Variants in SSBP2 observed in about 807,000 individuals in gnomAD.
SSBP2 encodes the protein single-stranded DNA-binding protein 2.
SSBP2 carries 17 observed loss-of-function variants against 61.8 expected under a neutral mutation model. That is an observed-to-expected ratio of 0.28 (90% CI 0.19 to 0.41). The LOEUF (loss-of-function observed/expected upper bound fraction) is 0.41. Ranked by LOEUF, SSBP2 falls within the 10% of genes least tolerant of loss-of-function variation. The pLI is 1.00. For synonymous variants in SSBP2, 139 were observed against 141.3 expected (o/e 0.98, Z 0.12); for missense variants, 310 against 458.7 (o/e 0.68, Z 2.96).
chr5:81,598,889 T>C (rs1263509800), intron 4 of SSBP2, among the ~76,000 whole-genome samples: 1 of 152,166 alleles, frequency 6.6e-6, no homozygotes, highest in Non-Finnish European at 1.5e-5. Context: ...CAAACCCAGA[T>C]ATGCTTCCCT....
Position 81,434,951 on chromosome 5 carries a change from A to G in SSBP2, c.957+2479T>C, listed in dbSNP as rs1056170443. 6.6e-5 allele frequency among the ~76,000 whole-genome samples: 10 copies of G among 152,280 alleles called. No homozygotes were observed. In the South Asian group the frequency reaches 1.9e-3, roughly 28 times the overall value. On this transcript the variant is annotated intron_variant, in intron 15 of 16. Coordinates refer to ENST00000320672, the MANE Select transcript of SSBP2 (RefSeq NM_012446.5). Reference sequence around the variant, plus strand: ...GGGCAGGGGGTATACAATGTGCACGATGCTACTGATGCTCTTAAGAGAAAA... The same window carrying G: ...GGGCAGGGGGTATACAATGTGCACGGTGCTACTGATGCTCTTAAGAGAAAA...
chr5:81,591,865 T>C (rs550336625), intron 4 of SSBP2, among the ~76,000 whole-genome samples: 16 of 147,008 alleles, frequency 1.1e-4, no homozygotes, highest in African/African-American at 3.9e-4. Context: ...GGAGCCAAGA[T>C]GGCCGAATAG....
chr5:81,674,986 A>T (rs934832965), intron 1 of SSBP2, among the ~76,000 whole-genome samples: 2 of 152,222 alleles, frequency 1.3e-5, no homozygotes, highest in Non-Finnish European at 2.9e-5. Flanking sequence ...TGTTGTGCGC[A>T]GAATCTATTC....
intron 5 of SSBP2, among the ~76,000 whole-genome samples, chr5:81,508,685 T>A (rs1357059441): frequency 6.6e-6 from 1 of 152,208 alleles, no homozygotes; most frequent in African/African-American, 2.4e-5. Context: ...GTTCAGTTTG[T>A]GATCATTCCA....
intron 1 of SSBP2, among the ~76,000 whole-genome samples, chr5:81,666,020 C>T (rs968162051): frequency 2.0e-5 from 3 of 152,176 alleles, no homozygotes; most frequent in Non-Finnish European, 2.9e-5. Flanking sequence ...GAAACAGGAT[C>T]AGCCTGATCA....
At position 81,534,061 on chromosome 5, in the gene SSBP2, C is replaced by T. The variant is rs1326245053; in HGVS notation, c.283-20344G>A. 2.6e-5 allele frequency among the ~76,000 whole-genome samples: 4 copies of T among 152,120 alleles called. No homozygotes were observed. The East Asian group carries it at 7.7e-4, about 29-fold the overall frequency. Reference sequence around the variant, plus strand: ...CTGCTATGGTTTTATCAGAGCCTAACTGCCTAAGATAACAAAAATACTCAA... The same window carrying T: ...CTGCTATGGTTTTATCAGAGCCTAATTGCCTAAGATAACAAAAATACTCAA... On this transcript the variant is annotated intron_variant, in intron 4 of 16. Transcript: ENST00000320672.
intron 4 of SSBP2, among the ~76,000 whole-genome samples, chr5:81,563,351 A>G (rs984540156): frequency 6.6e-6 from 1 of 152,222 alleles, no homozygotes; most frequent in African/African-American, 2.4e-5. Flanking sequence ...TGGAGCATAC[A>G]TAAATCTCAA....
At chr5:81,651,382 A>G (rs1749715191) in intron 1 of SSBP2, among the ~76,000 whole-genome samples, 1 of 152,192 alleles carries the variant, frequency 6.6e-6, no homozygotes, top group Non-Finnish European at 1.5e-5. Context: ...CATATCATGC[A>G]TCTGTCATGA....
chr5:81,678,572 G>A (rs1317847170), intron 1 of SSBP2, among the ~76,000 whole-genome samples: 1 of 151,842 alleles, frequency 6.6e-6, no homozygotes, highest in Non-Finnish European at 1.5e-5. Flanking sequence ...AGGAAGCTCA[G>A]AGAACACCAA....
intron 5 of SSBP2, 101 bp downstream of exon 5, chr5:81,513,527 A>G: frequency 1.4e-6 from 1 of 715,352 alleles, no homozygotes; most frequent in South Asian, 1.8e-5. Flanking sequence ...ATTATTATTT[A>G]CCTTAAAAAT....
chr5:81,751,396 A>G (rs1038214405), upstream of SSBP2: 2 of 399,078 alleles, frequency 5.0e-6, no homozygotes, highest in East Asian at 4.9e-5. Context: ...AAACTGCTCT[A>G]GAAGGATTTT....
intron 4 of SSBP2, among the ~76,000 whole-genome samples, chr5:81,612,211 C>A (rs1449128013): frequency 6.6e-6 from 1 of 152,086 alleles, no homozygotes; most frequent in East Asian, 1.9e-4. Flanking sequence ...CTGAAAATTA[C>A]AACTATTCAG....
rs143687324 is a variant in SSBP2, at chr5:81,497,051, T to A, written c.373-7742A>T. On this transcript the variant is annotated intron_variant, in intron 5 of 16. Coordinates refer to ENST00000320672, the MANE Select transcript of SSBP2 (RefSeq NM_012446.5). ...TCAGGTAGGCAAGCTAATTTGCACATAAAGCACCAATTAGCATGTGCTCTT... is the reference window on the plus strand; with the variant it reads ...TCAGGTAGGCAAGCTAATTTGCACAAAAAGCACCAATTAGCATGTGCTCTT... Among the ~76,000 whole-genome samples the A allele has an allele frequency of 7.9e-5, 12 of 152,332 alleles. No homozygotes were observed. The East Asian group carries it at 2.3e-3, about 29-fold the overall frequency.
chr5:81,625,145 T>C (rs967980260), intron 3 of SSBP2, among the ~76,000 whole-genome samples: 1 of 152,190 alleles, frequency 6.6e-6, no homozygotes, highest in South Asian at 2.1e-4. Flanking sequence ...ATGTGATAAT[T>C]AGTATACAAA....
intron 16 of SSBP2, among the ~76,000 whole-genome samples, chr5:81,423,809 T>C (rs1167504203): frequency 3.3e-5 from 5 of 152,062 alleles, no homozygotes; most frequent in African/African-American, 1.2e-4. Context: ...GTGTTGAAAA[T>C]ATAGAATAGC....
At chr5:81,453,232 A>G (rs943196213) in intron 10 of SSBP2, among the ~76,000 whole-genome samples, 6 of 152,078 alleles carry the variant, frequency 3.9e-5, no homozygotes, top group African/African-American at 1.4e-4. Flanking sequence ...CAGGAGGTGG[A>G]GGTTGCAGTG....
chr5:81,642,258 C>T (rs1275939321), intron 2 of SSBP2, among the ~76,000 whole-genome samples: 3 of 152,116 alleles, frequency 2.0e-5, no homozygotes, highest in African/African-American at 7.2e-5. Flanking sequence ...ATAACATTTT[C>T]TCTTTATTCT....
intron 4 of SSBP2, among the ~76,000 whole-genome samples, chr5:81,604,705 T>G (rs1744708227): frequency 6.6e-6 from 1 of 152,186 alleles, no homozygotes; most frequent in African/African-American, 2.4e-5. Flanking sequence ...TTGCACAGTC[T>G]TGCTTACATT....
chr5:81,729,954 C>T (rs1381727507), intron 1 of SSBP2, among the ~76,000 whole-genome samples: 1 of 151,800 alleles, frequency 6.6e-6, no homozygotes, highest in Non-Finnish European at 1.5e-5. Context: ...ATTTAAAATA[C>T]CTATTCTAAA....
Sources: allele counts gnomAD v4.1 joint callset (sites outside exome capture counted in the v4.1 genomes callset), GRCh38; gene constraint gnomAD v4.1.1; transcripts MANE v1.5; gene names NCBI Gene and HGNC (gene_info 2026-07-23, HGNC 2026-07-21).